The following CARNMT1 variants were observed in gnomAD, a reference collection of about 807,000 sequenced individuals.
CARNMT1 encodes protein-L-histidine N-pros-methyltransferase CARNMT1.
CARNMT1 carries 28 observed loss-of-function variants against 49.6 expected under a neutral mutation model. The observed-to-expected ratio is 0.56, with a 90% confidence interval of 0.42 to 0.77. The LOEUF (loss-of-function observed/expected upper bound fraction) is 0.77. Among genes scored for constraint, CARNMT1 ranks in the 30% least tolerant of loss-of-function variants. CARNMT1 has a pLI of 0.00. For synonymous variants in CARNMT1, 178 were observed against 175.0 expected, an observed-to-expected ratio of 1.02 and a Z score of -0.13; for missense variants, 421 against 512.6, an observed-to-expected ratio of 0.82 and a Z score of 1.73.
In CARNMT1 at chr9:74,998,796, A is replaced by T. The variant is rs199631624; in HGVS notation, c.732-20T>A. On this transcript the variant is annotated intron_variant, in intron 4 of 7. Transcript: ENST00000376834. ...GAACATCTGCAAAATATGAGTATAAAATCAGGTGTTAACTAAATATTTTAC... is the reference window on the plus strand; with the variant it reads ...GAACATCTGCAAAATATGAGTATAATATCAGGTGTTAACTAAATATTTTAC... 1.2e-5 allele frequency: 18 copies of T among 1,441,656 alleles called. No individual in the cohort carries two copies. The highest frequency in any genetic ancestry group is 1.7e-5 in the Non-Finnish European group (18 of 1,072,764). The allele number at this position is 1,441,656 out of a possible 1,614,324, so 89.3% of individuals were successfully genotyped here. A position where few individuals can be genotyped will look rare whatever the true frequency, so the allele number is the denominator to read the frequency against.
intron 3 of CARNMT1, among the ~76,000 whole-genome samples, chr9:75,006,115 T>C (rs573962992): frequency 7.2e-5 from 11 of 151,754 alleles, no homozygotes; most frequent in Admixed American, 6.6e-4. Flanking sequence ...GCAGTGGCTC[T>C]ATCTCGGCTC....
chr9:74,991,691 T>C (rs1482207736), intron 6 of CARNMT1: 1 of 152,178 alleles, frequency 6.6e-6, no homozygotes, highest in African/African-American at 2.4e-5. Context: ...ATCTTGATTA[T>C]AGAGGAGTCA....
At chr9:75,025,255 A>G (rs1417384312) in intron 1 of CARNMT1, among the ~76,000 whole-genome samples, 1 of 152,216 alleles carries the variant, frequency 6.6e-6, no homozygotes, top group East Asian at 1.9e-4. Flanking sequence ...ATTGCATTAA[A>G]TTTGATGAAA....
intron 3 of CARNMT1, 176 bp downstream of exon 3, chr9:75,016,092 A>G (rs375404122): frequency 2.2e-5 from 10 of 452,292 alleles, no homozygotes; most frequent in African/African-American, 1.4e-4. Context: ...AAATTATTCA[A>G]AATAACAACT....
chr9:74,983,864 T>G lies in CARNMT1; in HGVS notation c.1133A>C (p.Glu378Ala). 1 of 1,590,296 alleles carries G rather than the reference T, an allele frequency of 6.3e-7. No individual in the cohort carries two copies. Among genetic ancestry groups the G allele is most frequent in the Non-Finnish European group, 8.6e-7 (1 of 1,167,714 alleles). Residue 378 changes from glutamate (E) to alanine (A), a missense_variant, in exon 8 of 8, where the codon GAA becomes GCA. Around this residue, in one of 2 missense-constraint regions of CARNMT1, gnomAD observed 235 missense variants for 344.8 expected, o/e 0.68. Transcript: ENST00000376834. ...ATATGTTGACAATACAGATTCTTTT[T>G]CCACCTGCAATGCAAACAATAATCA... ...VLQYGFKVEV[E>A]KESVLSTYTV... is the part of the protein sequence containing the mutation.
chr9:75,011,902 A>G (rs1833700186), intron 3 of CARNMT1, among the ~76,000 whole-genome samples: 1 of 152,194 alleles, frequency 6.6e-6, no homozygotes, highest in Non-Finnish European at 1.5e-5. Flanking sequence ...ATGAAATATG[A>G]GTGACAGATT....
At chr9:75,028,311 G>A, upstream of CARNMT1, 1 of 1,328,620 alleles carries the variant, frequency 7.5e-7, no homozygotes, top group Non-Finnish European at 9.6e-7. Context: ...CGGCTGCTTG[G>A]CCTTCCTCTA....
At chr9:74,992,962 A>C (rs868300014) in intron 6 of CARNMT1, among the ~76,000 whole-genome samples, 13 of 152,352 alleles carry the variant, frequency 8.5e-5, no homozygotes, top group Middle Eastern at 3.4e-3. Flanking sequence ...AGCCAAAACC[A>C]TAAGAATGTT....
chr9:74,985,392 AAGG>A (rs1375791203), intron 6 of CARNMT1, among the ~76,000 whole-genome samples: 1 of 152,228 alleles, frequency 6.6e-6, no homozygotes, highest in Non-Finnish European at 1.5e-5. Context: ...TATGAAAACA[AAGG>A]AGGAGCCTCA....
At chr9:75,003,418 T>C (rs1833418929) in intron 3 of CARNMT1, among the ~76,000 whole-genome samples, 5 of 152,264 alleles carry the variant, frequency 3.3e-5, no homozygotes. Context: ...GAAGTTTTAC[T>C]AAAACGCAGC....
At chr9:75,001,905 C>T (rs916878086) in intron 3 of CARNMT1, among the ~76,000 whole-genome samples, 13 of 152,004 alleles carry the variant, frequency 8.6e-5, no homozygotes, top group African/African-American at 2.9e-4. Flanking sequence ...TTAAACCAGG[C>T]TGAATTTTTT....
chr9:75,000,535 G>A (rs758388111), intron 3 of CARNMT1, among the ~76,000 whole-genome samples: 7 of 151,950 alleles, frequency 4.6e-5, no homozygotes, highest in Admixed American at 1.3e-4. Flanking sequence ...TTTCCTTCAC[G>A]TAAGATCCAT....
At chr9:74,992,896 A>C (rs1213049150) in intron 6 of CARNMT1, among the ~76,000 whole-genome samples, 1 of 152,200 alleles carries the variant, frequency 6.6e-6, no homozygotes, top group Non-Finnish European at 1.5e-5. Flanking sequence ...ATCATCCCCA[A>C]GAGGTTGATC....
At position 74,983,474 on chromosome 9, in the gene CARNMT1, G is replaced by A. The variant is rs562784403; in HGVS notation, c.*293C>T. ...AATGGACAGCATCATGAAGACACTG[G>A]AGATTAGGTTTTTTTCCTACTGAAA... On this transcript the variant is annotated 3_prime_UTR_variant, in exon 8 of 8. Coordinates refer to ENST00000376834, the MANE Select transcript of CARNMT1 (RefSeq NM_152420.3). 8.5e-6 allele frequency: 2 copies of A among 233,992 alleles called. No homozygotes were observed. Among genetic ancestry groups the A allele is most frequent in the African/African-American group, 4.5e-5 (2 of 44,668 alleles). The allele number at this position is 233,992 out of a possible 1,614,324, so 14.5% of individuals were successfully genotyped here.
At position 74,980,937 on chromosome 9, in the gene CARNMT1, A is replaced by C. The variant is rs1832676573; in HGVS notation, c.*2830T>G. On this transcript the variant is annotated 3_prime_UTR_variant, in exon 8 of 8. Coordinates refer to ENST00000376834, the MANE Select transcript of CARNMT1 (RefSeq NM_152420.3). ...GCATATAAAAATAGGCTAATCCAAG[A>C]GTTCAAAAGTATATATGCTCAACTC... The C allele has an allele frequency of 6.6e-6, 1 of 152,156 alleles. No homozygotes were observed. The allele number at this position is 152,156 out of a possible 1,614,324, so 9.4% of individuals were successfully genotyped here. A position where few individuals can be genotyped will look rare whatever the true frequency, so the allele number is the denominator to read the frequency against.
chr9:75,020,431 C>T (rs781598489), intron 1 of CARNMT1, among the ~76,000 whole-genome samples: 1 of 151,844 alleles, frequency 6.6e-6, no homozygotes, highest in Non-Finnish European at 1.5e-5. Context: ...CCATGCCCAG[C>T]TGATTTTTGT....
chr9:75,013,537 T>C (rs1464752702), intron 3 of CARNMT1, among the ~76,000 whole-genome samples: 2 of 151,582 alleles, frequency 1.3e-5, no homozygotes, highest in African/African-American at 4.9e-5. Flanking sequence ...GAATAAACTA[T>C]GATACATCCA....
chr9:75,023,996 C>T (rs10781261), intron 1 of CARNMT1, among the ~76,000 whole-genome samples: 38,601 of 152,132 alleles, frequency 0.25, 6,318 homozygotes, highest in Non-Finnish European at 0.37. Flanking sequence ...AACTTAGTAG[C>T]CATTTTTCCC....
At chr9:74,984,413 T>C (rs1387234167) in intron 7 of CARNMT1, among the ~76,000 whole-genome samples, 1 of 152,156 alleles carries the variant, frequency 6.6e-6, no homozygotes, top group Admixed American at 6.6e-5. Context: ...AAAGTAGTTT[T>C]CCCTTTATGT....
Sources: gnomAD v4.1 joint callset for allele counts (sites outside exome capture counted in the v4.1 genomes callset) on GRCh38, gnomAD v4.1.1 for gene constraint, gnomAD v4.1.1 regional missense constraint, MANE v1.5 for transcripts, NCBI Gene and HGNC (gene_info 2026-07-23, HGNC 2026-07-21) for gene names.